The following PDE3A variants were observed in gnomAD, a reference collection of about 807,000 sequenced individuals.
PDE3A encodes cGMP-inhibited 3',5'-cyclic phosphodiesterase 3A.
A neutral mutation model predicts 98.3 loss-of-function variants in PDE3A; 43 were observed. The ratio of observed to expected loss-of-function variants is 0.44; its 90% CI spans 0.34 to 0.56. PDE3A has a LOEUF of 0.56. Ranked by LOEUF, PDE3A falls within the 20% of genes least tolerant of loss-of-function variation. The probability of loss-of-function intolerance (pLI) is 0.01; values close to 1 mark genes in which losing one functional copy is unlikely to be tolerated. For missense variants in PDE3A, 1,427 were observed against 1,440.7 expected (o/e 0.99, Z 0.15); for synonymous variants, 663 against 567.9 (o/e 1.17, Z -2.38).
intron 1 of PDE3A, among the ~76,000 whole-genome samples, chr12:20,395,382 T>C (rs1295271707): frequency 2.0e-5 from 3 of 151,566 alleles, no homozygotes; most frequent in African/African-American, 7.3e-5. Context: ...ATGGTAGAAA[T>C]ATTAACAGAA....
intron 1 of PDE3A, among the ~76,000 whole-genome samples, chr12:20,378,705 A>G (rs1044300549): frequency 2.0e-5 from 3 of 151,794 alleles, no homozygotes; most frequent in South Asian, 2.1e-4. Flanking sequence ...ATGAAATGTC[A>G]TTGTAACACA....
intron 10 of PDE3A, among the ~76,000 whole-genome samples, chr12:20,644,539 A>G (rs1944725435): frequency 6.6e-6 from 1 of 152,148 alleles, no homozygotes; most frequent in South Asian, 2.1e-4. Context: ...CAGAGGTAAA[A>G]GCACACCTGT....
chr12:20,410,271 A>T (rs574561787), intron 1 of PDE3A, among the ~76,000 whole-genome samples: 1 of 152,118 alleles, frequency 6.6e-6, no homozygotes, highest in Admixed American at 6.5e-5. Flanking sequence ...GCTGCACTCA[A>T]TTGTACGTCC....
intron 15 of PDE3A, among the ~76,000 whole-genome samples, chr12:20,657,077 T>G (rs1008356150): frequency 1.3e-5 from 2 of 152,256 alleles, no homozygotes; most frequent in African/African-American, 4.8e-5. Flanking sequence ...CACAATGATT[T>G]GATACTGTAG....
At chr12:20,565,830 A>G (rs1942641703) in intron 2 of PDE3A, among the ~76,000 whole-genome samples, 1 of 151,940 alleles carries the variant, frequency 6.6e-6, no homozygotes, top group South Asian at 2.1e-4. Context: ...TAGCATTAAC[A>G]TCTTATTTAT....
At chr12:20,667,782 T>C (rs1945355716) in intron 15 of PDE3A, among the ~76,000 whole-genome samples, 1 of 152,206 alleles carries the variant, frequency 6.6e-6, no homozygotes, top group Non-Finnish European at 1.5e-5. Flanking sequence ...GATTTTGGAA[T>C]TGTTTTTCCT....
intron 1 of PDE3A, among the ~76,000 whole-genome samples, chr12:20,466,305 A>C (rs909529047): frequency 1.3e-5 from 2 of 152,250 alleles, no homozygotes; most frequent in African/African-American, 4.8e-5. Flanking sequence ...TTATATGAGC[A>C]AATAATTTTT....
chr12:20,543,967 A>G (rs1941989637), intron 1 of PDE3A, among the ~76,000 whole-genome samples: 1 of 151,870 alleles, frequency 6.6e-6, no homozygotes, highest in African/African-American at 2.4e-5. Flanking sequence ...ACTTGTCAAG[A>G]TCAAGTATCT....
rs66734223 is a variant in PDE3A, at chr12:20,627,145, T to TAAA, written c.1541-2746_1541-2744dup. ...CATGGGCTTTGAACTATTGTTCTGT[T>TAAA]AAAAAAAAAAAAAAAAAAACTGTGT... is the stretch of plus-strand genomic sequence containing the variant. On this transcript the variant is annotated intron_variant, in intron 5 of 15. Transcript: ENST00000359062. Among the ~76,000 whole-genome samples, 220 of 134,000 alleles carry TAAA rather than the reference T, an allele frequency of 1.6e-3. 2 individuals carry two copies. The highest frequency in any genetic ancestry group is 3.8e-3 in the South Asian group (15 of 3,996). 87.9% of individuals were successfully genotyped at this position (134,000 alleles called of 152,430 possible).
chr12:20,530,711 T>C (rs1946609700), intron 1 of PDE3A, among the ~76,000 whole-genome samples: 1 of 152,108 alleles, frequency 6.6e-6, no homozygotes, highest in African/African-American at 2.4e-5. Context: ...CTAAAATTAA[T>C]TAGTAATTTA....
At chr12:20,489,881 G>A (rs534721644) in intron 1 of PDE3A, among the ~76,000 whole-genome samples, 2 of 152,296 alleles carry the variant, frequency 1.3e-5, no homozygotes, top group East Asian at 3.9e-4. Flanking sequence ...ACAGGGCTGT[G>A]GAGGTGTTGA....
At chr12:20,534,025 C>A (rs1941690226) in intron 1 of PDE3A, among the ~76,000 whole-genome samples, 1 of 152,088 alleles carries the variant, frequency 6.6e-6, no homozygotes, top group African/African-American at 2.4e-5. Flanking sequence ...GTTCCATATA[C>A]CTGGCATGAT....
chr12:20,661,417 C>G (rs1413573734), intron 15 of PDE3A, among the ~76,000 whole-genome samples: 4 of 152,176 alleles, frequency 2.6e-5, no homozygotes, highest in Admixed American at 2.6e-4. Flanking sequence ...TAATGAGGAG[C>G]CAACTGTTAA....
chr12:20,680,323 T>A lies in PDE3A; in HGVS notation c.*52T>A. The A allele has an allele frequency of 6.3e-7, 1 of 1,583,352 alleles. No individual in the cohort carries two copies. The highest frequency in any genetic ancestry group is 2.2e-5 in the East Asian group (1 of 44,542). On this transcript the variant is annotated 3_prime_UTR_variant, in exon 16 of 16. Transcript: ENST00000359062. ...AAACAGATTGACTTGTCAAAGACTC[T>A]CTTCAAGCCAGCACAACATTTAGAC...
At chr12:20,446,451 G>A (rs1421843376) in intron 1 of PDE3A, among the ~76,000 whole-genome samples, 1 of 152,156 alleles carries the variant, frequency 6.6e-6, no homozygotes, top group Non-Finnish European at 1.5e-5. Flanking sequence ...TTGGCGAGAA[G>A]GCTGATCCTT....
chr12:20,483,313 C>T (rs1300202328), intron 1 of PDE3A, among the ~76,000 whole-genome samples: 1 of 152,054 alleles, frequency 6.6e-6, no homozygotes, highest in East Asian at 1.9e-4. Context: ...TGTTTGAACC[C>T]CGGAGGCGGA....
intron 14 of PDE3A, among the ~76,000 whole-genome samples, chr12:20,652,336 A>G (rs1944938278): frequency 1.3e-5 from 2 of 152,176 alleles, no homozygotes; most frequent in South Asian, 2.1e-4. Context: ...TCCCTGAGGA[A>G]TAGCCACACT....
At chr12:20,404,096 A>G (rs982104098) in intron 1 of PDE3A, among the ~76,000 whole-genome samples, 1 of 152,188 alleles carries the variant, frequency 6.6e-6, no homozygotes, top group African/African-American at 2.4e-5. Flanking sequence ...ATACTTTAAA[A>G]GAAAAATGTA....
At chr12:20,437,369 G>C (rs2120826642) in intron 1 of PDE3A, among the ~76,000 whole-genome samples, 1 of 152,134 alleles carries the variant, frequency 6.6e-6, no homozygotes, top group Non-Finnish European at 1.5e-5. Flanking sequence ...TATGGGTTAG[G>C]CCATTCTTGC....
Sources: gnomAD v4.1 joint callset for allele counts (sites outside exome capture counted in the v4.1 genomes callset) on GRCh38, gnomAD v4.1.1 for gene constraint, MANE v1.5 for transcripts, NCBI Gene and HGNC (gene_info 2026-07-23, HGNC 2026-07-21) for gene names.